Variants in IL1RAPL1 observed in about 807,000 individuals in gnomAD.
The protein encoded by IL1RAPL1 is interleukin 1 receptor accessory protein like 1.
In IL1RAPL1, 3 loss-of-function variants were observed where a neutral mutation model predicts 48.4. The ratio of observed to expected loss-of-function variants is 0.06; its 90% confidence interval spans 0.03 to 0.16. IL1RAPL1 has a LOEUF of 0.16. IL1RAPL1 is among the 10% of genes least tolerant of loss of function. IL1RAPL1 has a pLI of 1.00. For synonymous variants in IL1RAPL1, 185 were observed against 187.7 expected, an observed-to-expected ratio of 0.99 and a Z score of 0.12; for missense variants, 349 against 530.6, an observed-to-expected ratio of 0.66 and a Z score of 3.36.
intron 1 of IL1RAPL1, among the ~76,000 whole-genome samples, chrX:28,774,838 C>T (rs1228311252): frequency 2.7e-5 from 3 of 111,682 alleles, no homozygotes; most frequent in Admixed American, 9.6e-5. Context: ...TGCCCCTAGC[C>T]TTCCTCATCT....
At chrX:28,830,227 T>A (rs1921011956) in intron 2 of IL1RAPL1, among the ~76,000 whole-genome samples, 1 of 111,972 alleles carries the variant, frequency 8.9e-6, no homozygotes, top group Non-Finnish European at 1.9e-5. Context: ...AATTCTTTTT[T>A]AAATGCTTGG....
At chrX:28,794,736 C>T (rs1936590477) in intron 2 of IL1RAPL1, among the ~76,000 whole-genome samples, 1 of 111,714 alleles carries the variant, frequency 9.0e-6, no homozygotes, top group Admixed American at 9.5e-5. Context: ...TGACTCTAGG[C>T]CCAAATAATT....
intron 2 of IL1RAPL1, among the ~76,000 whole-genome samples, chrX:29,144,073 C>G (rs1170651035): frequency 9.0e-6 from 1 of 110,979 alleles, no homozygotes; most frequent in Non-Finnish European, 1.9e-5. Context: ...ATAAACCACA[C>G]AATTGGTTCT....
intron 2 of IL1RAPL1, among the ~76,000 whole-genome samples, chrX:29,267,696 T>C (rs1931978734): frequency 8.9e-6 from 1 of 112,212 alleles, no homozygotes; most frequent in Non-Finnish European, 1.9e-5. Flanking sequence ...TCAGTGAATA[T>C]TTTCAGCAAA....
intron 1 of IL1RAPL1, among the ~76,000 whole-genome samples, chrX:28,784,172 T>C (rs928764019): frequency 8.9e-6 from 1 of 112,150 alleles, no homozygotes; most frequent in African/African-American, 3.2e-5. Context: ...TAAGAGCTTC[T>C]GTTTATCCTC....
rs751797864 is a variant in IL1RAPL1, at chrX:28,840,238, G to A, written c.82+50813G>A. ...AGAGTTCACCCATCTTCCTCTGATA[G>A]TGGCATTTCGTATAACCGTAGTACA... On this transcript the variant is annotated intron_variant, in intron 2 of 10. Transcript: ENST00000378993. Among the ~76,000 whole-genome samples, 198 of 111,063 alleles carry A rather than the reference G, an allele frequency of 1.8e-3. 1 individual carries two copies. The highest frequency in any genetic ancestry group is 3.5e-3 in the Admixed American group (36 of 10,413).
intron 2 of IL1RAPL1, among the ~76,000 whole-genome samples, chrX:28,953,345 G>T (rs1924521013): frequency 9.0e-6 from 1 of 111,297 alleles, no homozygotes; most frequent in South Asian, 3.7e-4. Flanking sequence ...TTATTAATCT[G>T]TATGGCATGC....
At chrX:29,824,598 A>G (rs1223971145) in intron 6 of IL1RAPL1, among the ~76,000 whole-genome samples, 1 of 112,470 alleles carries the variant, frequency 8.9e-6, no homozygotes, top group African/African-American at 3.2e-5. Flanking sequence ...AACATTTGAA[A>G]GCTTCTTTGT....
chrX:29,031,886 G>A (rs1290188963), intron 2 of IL1RAPL1, among the ~76,000 whole-genome samples: 1 of 111,619 alleles, frequency 9.0e-6, no homozygotes, highest in African/African-American at 3.3e-5. Flanking sequence ...AATATTTAAA[G>A]TTCTCGGAAT....
intron 3 of IL1RAPL1, among the ~76,000 whole-genome samples, chrX:29,333,702 C>T (rs1251545061): frequency 3.8e-5 from 3 of 78,038 alleles, no homozygotes; most frequent in South Asian, 6.6e-4. Context: ...GCTGGCCGGG[C>T]GGGGGGCTGA....
chrX:29,378,503 GT>G (rs750734102), intron 3 of IL1RAPL1, among the ~76,000 whole-genome samples: 9 of 112,357 alleles, frequency 8.0e-5, no homozygotes, highest in Non-Finnish European at 1.3e-4. Flanking sequence ...GAGGACTAGT[GT>G]TCTTCTATCT....
chrX:29,814,017 G>A (rs748153032), intron 6 of IL1RAPL1, among the ~76,000 whole-genome samples: 1 of 111,846 alleles, frequency 8.9e-6, no homozygotes, highest in Non-Finnish European at 1.9e-5. Flanking sequence ...TTGATTCCAT[G>A]TCTTTACCAT....
chrX:29,807,838 C>A (rs779313627), intron 6 of IL1RAPL1, among the ~76,000 whole-genome samples: 2 of 110,311 alleles, frequency 1.8e-5, no homozygotes, highest in Non-Finnish European at 3.8e-5. Flanking sequence ...AGTAGCAAAG[C>A]GCATGATTAT....
chrX:28,897,551 G>A (rs1449791630), intron 2 of IL1RAPL1, among the ~76,000 whole-genome samples: 4 of 112,013 alleles, frequency 3.6e-5, no homozygotes, highest in African/African-American at 1.3e-4. Flanking sequence ...ATAAAAAGAG[G>A]CCACTTACCG....
intron 2 of IL1RAPL1, among the ~76,000 whole-genome samples, chrX:29,054,830 A>G (rs1323144636): frequency 3.6e-5 from 4 of 111,846 alleles, no homozygotes; most frequent in Admixed American, 9.5e-5. Flanking sequence ...CGTAAGTTCC[A>G]TGAGAGCAGG....
At chrX:29,557,455 G>A (rs11095155) in intron 5 of IL1RAPL1, among the ~76,000 whole-genome samples, 23,684 of 111,500 alleles carry the variant, frequency 0.21, 3,661 homozygotes, top group African/African-American at 0.55. Context: ...ACATTGTGAA[G>A]TGATTGCCAT....
intron 2 of IL1RAPL1, among the ~76,000 whole-genome samples, chrX:28,915,633 C>T (rs765264752): frequency 9.0e-6 from 1 of 111,151 alleles, no homozygotes; most frequent in Admixed American, 9.6e-5. Flanking sequence ...AGAGTTGACG[C>T]GAGATTTGAT....
At chrX:28,633,847 T>A (rs770923315) in intron 1 of IL1RAPL1, among the ~76,000 whole-genome samples, 3 of 112,189 alleles carry the variant, frequency 2.7e-5, no homozygotes, top group Non-Finnish European at 5.6e-5. Context: ...GTTAAAGTTT[T>A]ATTTTATTTT....
At chrX:29,750,170 C>A (rs373782636) in intron 6 of IL1RAPL1, among the ~76,000 whole-genome samples, 3 of 112,016 alleles carry the variant, frequency 2.7e-5, no homozygotes, top group Non-Finnish European at 5.6e-5. Flanking sequence ...GAAAACTTTT[C>A]GTTTCTATTT....
Sources: allele counts gnomAD v4.1 joint callset (sites outside exome capture counted in the v4.1 genomes callset), GRCh38; gene constraint gnomAD v4.1.1; transcripts MANE v1.5; gene names NCBI Gene and HGNC (gene_info 2026-07-23, HGNC 2026-07-21).